Variants in MTOR observed in about 807,000 individuals in gnomAD.
MTOR encodes the protein serine/threonine-protein kinase mTOR.
MTOR carries 70 observed loss-of-function variants against 319.8 expected under a neutral mutation model. The ratio of observed to expected loss-of-function variants is 0.22; its 90% confidence interval spans 0.18 to 0.27. MTOR has a LOEUF of 0.27. Ranked by LOEUF, MTOR falls within the 10% of genes least tolerant of loss-of-function variation. The pLI, the probability that MTOR is intolerant of heterozygous loss-of-function variation, is 1.00. For synonymous variants in MTOR, 1,183 were observed against 1,211.4 expected, an observed-to-expected ratio of 0.98 and a Z score of 0.49; for missense variants, 1,890 against 3,274.4, an observed-to-expected ratio of 0.58 and a Z score of 10.32.
chr1:11,209,584 G>T, intron 24 of MTOR, 126 bp from the exon 25 acceptor site: 1 of 1,116,058 alleles, frequency 9.0e-7, no homozygotes, highest in Non-Finnish European at 1.3e-6. Context: ...GTAAAAAGTT[G>T]CACATATGGA....
At chr1:11,197,709 T>C (rs921406566) in intron 28 of MTOR, among the ~76,000 whole-genome samples, 4 of 152,120 alleles carry the variant, frequency 2.6e-5, no homozygotes, top group Non-Finnish European at 4.4e-5. Context: ...ACCCAGCTAA[T>C]TTTTGTATTT....
At position 11,128,131 on chromosome 1, in the gene MTOR, G is replaced by C. The variant is rs1473325413; in HGVS notation, c.5911-5C>G. ...TGTCAGTGGGTAGATGAGGGCCTGA[G>C]GGAAAAACAGAAGAAACATCTATAA... On this transcript the variant is annotated splice_region_variant and splice_polypyrimidine_tract_variant and intron_variant, in intron 42 of 57. Transcript: ENST00000361445. The surrounding 1 kb of genome is among the most constrained non-coding windows in gnomAD (Gnocchi z 5.3). 5 of 1,613,462 alleles carry C rather than the reference G, an allele frequency of 3.1e-6. No homozygotes were observed. Among genetic ancestry groups the C allele is most frequent in the Non-Finnish European group, 4.2e-6 (5 of 1,179,874 alleles).
chr1:11,118,500 GCT>G (rs1642313600), intron 49 of MTOR, among the ~76,000 whole-genome samples: 1 of 151,452 alleles, frequency 6.6e-6, no homozygotes, highest in South Asian at 2.1e-4. Context: ...CTCCTAAAGT[GCT>G]GGGATTACAG....
At chr1:11,113,755 G>C (rs578035176) in intron 53 of MTOR, among the ~76,000 whole-genome samples, 47 of 152,162 alleles carry the variant, frequency 3.1e-4, no homozygotes, top group Non-Finnish European at 4.7e-4. Flanking sequence ...TAGGACCACC[G>C]GCATGTGCCA....
chr1:11,255,422 A>G (rs1650260035), intron 5 of MTOR, among the ~76,000 whole-genome samples: 1 of 150,492 alleles, frequency 6.6e-6, no homozygotes, highest in Non-Finnish European at 1.5e-5. Context: ...AAGAGGTACC[A>G]AGTCACAGTT....
intron 34 of MTOR, among the ~76,000 whole-genome samples, chr1:11,143,372 A>G (rs148145943): frequency 6.6e-5 from 10 of 152,308 alleles, no homozygotes; most frequent in African/African-American, 2.2e-4. Flanking sequence ...TCAGACTGTC[A>G]GAAGGTTCAT....
At chr1:11,156,504 C>G (rs1004149615) in intron 30 of MTOR, among the ~76,000 whole-genome samples, 1 of 152,232 alleles carries the variant, frequency 6.6e-6, no homozygotes, top group East Asian at 1.9e-4. Context: ...CTGTTTCCCC[C>G]CTACCTTCTC....
At chr1:11,177,912 T>C (rs1195522800) in intron 28 of MTOR, among the ~76,000 whole-genome samples, 1 of 152,246 alleles carries the variant, frequency 6.6e-6, no homozygotes, top group Non-Finnish European at 1.5e-5. Flanking sequence ...TACTTTTACC[T>C]GCGCATATTC....
chr1:11,186,127 TAGAGTATGGC>T (rs1275618764), intron 28 of MTOR, among the ~76,000 whole-genome samples: 1 of 147,738 alleles, frequency 6.8e-6, no homozygotes, highest in African/African-American at 2.5e-5. Context: ...AACGGCTGTA[TAGAGTATGGC>T]AGGCTGTGGT....
chr1:11,240,627 C>A (rs2100910944), intron 10 of MTOR, 80 bp from the exon 11 acceptor site: 2 of 1,523,756 alleles, frequency 1.3e-6, no homozygotes, highest in Non-Finnish European at 1.8e-6. Context: ...GCTTTCTCTC[C>A]CAGCAAGGGG....
intron 45 of MTOR, 40 bp from the exon 46 acceptor site, chr1:11,126,836 G>A (rs2100398627): frequency 1.3e-6 from 2 of 1,599,392 alleles, no homozygotes; most frequent in Non-Finnish European, 1.7e-6. Context: ...TCTGCCTCCA[G>A]GGAAGAATTT....
At chr1:11,178,960 C>T (rs1194297908) in intron 28 of MTOR, among the ~76,000 whole-genome samples, 1 of 152,158 alleles carries the variant, frequency 6.6e-6, no homozygotes, top group African/African-American at 2.4e-5. Flanking sequence ...AGCTGGTCTT[C>T]CACTCTATTA....
At chr1:11,112,829 C>A (rs761642823) in intron 54 of MTOR, 23 bp downstream of exon 54, 23 of 1,613,216 alleles carry the variant, frequency 1.4e-5, no homozygotes, top group Non-Finnish European at 2.0e-5. Flanking sequence ...AGAGCCTTTG[C>A]GACCTCCCGT....
intron 49 of MTOR, 35 bp from the exon 50 acceptor site, chr1:11,117,121 G>A (rs1266522131): frequency 6.6e-7 from 1 of 1,519,102 alleles, no homozygotes; most frequent in South Asian, 1.2e-5. Context: ...CTACGGTTCT[G>A]GAAACTTTAA....
chr1:11,177,307 C>T (rs1645022034), intron 28 of MTOR, among the ~76,000 whole-genome samples: 1 of 152,078 alleles, frequency 6.6e-6, no homozygotes. Context: ...CCTGTAATCC[C>T]ACCACCTTGG....
intron 28 of MTOR, among the ~76,000 whole-genome samples, chr1:11,177,360 C>T (rs1293382150): frequency 2.6e-5 from 4 of 152,090 alleles, no homozygotes. Context: ...GAATTCAAGA[C>T]CAGCCTGAGC....
At chr1:11,142,152 C>G (rs1643742441) in intron 34 of MTOR, among the ~76,000 whole-genome samples, 1 of 152,124 alleles carries the variant, frequency 6.6e-6, no homozygotes, top group East Asian at 1.9e-4. Context: ...TACCCTTAAC[C>G]TGAGATTCTA....
At chr1:11,120,018 C>A (rs1642424077) in intron 49 of MTOR, among the ~76,000 whole-genome samples, 1 of 147,102 alleles carries the variant, frequency 6.8e-6, no homozygotes. Context: ...TAGCTTAAGA[C>A]CAGGCTGGGT....
At chr1:11,242,018 G>C (rs1648107557) in intron 9 of MTOR, among the ~76,000 whole-genome samples, 1 of 152,090 alleles carries the variant, frequency 6.6e-6, no homozygotes, top group Admixed American at 6.6e-5. Context: ...GGACAAGAAG[G>C]CAGTACACAG....
Sources: gnomAD v4.1 joint callset for allele counts (sites outside exome capture counted in the v4.1 genomes callset) on GRCh38, gnomAD v4.1.1 for gene constraint, Gnocchi (gnomAD v3.1) non-coding constraint, MANE v1.5 for transcripts, NCBI Gene and HGNC (gene_info 2026-07-23, HGNC 2026-07-21) for gene names.